SLC39A12: variants seen among roughly 807,000 people sequenced by gnomAD.
SLC39A12 encodes the protein zinc transporter ZIP12.
Under a neutral mutation model 71.1 loss-of-function variants are expected in SLC39A12, and 63 were observed. The observed-to-expected ratio is 0.89, with a 90% CI of 0.72 to 1.09. The LOEUF is 1.09. Among genes scored for constraint, SLC39A12 ranks in the 50% least tolerant of loss-of-function variants. SLC39A12 has a pLI of 0.00. For missense variants in SLC39A12, 892 were observed against 812.6 expected, an observed-to-expected ratio of 1.10 and a Z score of -1.19; for synonymous variants, 351 against 301.3, an observed-to-expected ratio of 1.16 and a Z score of -1.71.
intron 2 of SLC39A12, among the ~76,000 whole-genome samples, chr10:17,959,706 C>G (rs901829216): frequency 3.3e-5 from 5 of 152,104 alleles, no homozygotes; most frequent in Non-Finnish European, 7.4e-5. Flanking sequence ...AGGCAGCTTC[C>G]CTCTTGCTGA....
intron 3 of SLC39A12, 35 bp from the exon 4 acceptor site, chr10:17,965,448 T>C (rs2130784750): frequency 1.3e-6 from 2 of 1,588,734 alleles, no homozygotes; most frequent in East Asian, 4.5e-5. Context: ...ACTTCAGATG[T>C]TACAATTTTC....
chr10:18,014,854 A>G (rs935682006), intron 12 of SLC39A12, among the ~76,000 whole-genome samples: 1 of 152,194 alleles, frequency 6.6e-6, no homozygotes, highest in African/African-American at 2.4e-5. Context: ...TGATGCATCT[A>G]CAGTTTGAGT....
intron 2 of SLC39A12, among the ~76,000 whole-genome samples, chr10:17,955,198 G>A (rs1325872448): frequency 6.6e-6 from 1 of 152,154 alleles, no homozygotes; most frequent in Non-Finnish European, 1.5e-5. Context: ...CATTTTCAGG[G>A]CTGGGGGAAG....
intron 12 of SLC39A12, among the ~76,000 whole-genome samples, chr10:18,024,523 C>T (rs1836621472): frequency 1.3e-5 from 2 of 152,114 alleles, no homozygotes; most frequent in African/African-American, 4.8e-5. Context: ...CACTCTTCTC[C>T]ACTCTCCATG....
At chr10:18,031,994 T>C in intron 12 of SLC39A12, among the ~76,000 whole-genome samples, 1 of 44,554 alleles carries the variant, frequency 2.2e-5, no homozygotes. Flanking sequence ...CTCTGTTCTG[T>C]TCCATTGATC....
intron 4 of SLC39A12, among the ~76,000 whole-genome samples, chr10:17,975,562 C>G (rs1835088143): frequency 6.6e-6 from 1 of 151,936 alleles, no homozygotes; most frequent in African/African-American, 2.4e-5. Flanking sequence ...AGAGTCCTCC[C>G]CACTCTTTCC....
intron 4 of SLC39A12, among the ~76,000 whole-genome samples, chr10:17,975,698 C>T (rs1179644153): frequency 6.6e-6 from 1 of 152,156 alleles, no homozygotes; most frequent in South Asian, 2.1e-4. Context: ...GCCCCACTGT[C>T]GAAGTCCAGT....
rs141182250 is a variant in SLC39A12, at chr10:17,993,174, C to T, written c.1423-7C>T. On this transcript the variant is annotated splice_region_variant and splice_polypyrimidine_tract_variant and intron_variant, in intron 8 of 12. Coordinates refer to ENST00000377369, the MANE Select transcript of SLC39A12 (RefSeq NM_001145195.2). ...TTCAACACTAATTTTAAACCATCCT[C>T]ATCCAGCAGGGCCTGTCATTGGTTA... 4.7e-5 allele frequency: 72 copies of T among 1,545,652 alleles called. No individual in the cohort carries two copies. The highest frequency in any genetic ancestry group is 5.8e-5 in the Non-Finnish European group (66 of 1,141,938).
At chr10:17,960,704 G>A (rs1313277616) in intron 2 of SLC39A12, among the ~76,000 whole-genome samples, 1 of 152,300 alleles carries the variant, frequency 6.6e-6, no homozygotes, top group South Asian at 2.1e-4. Context: ...TTCCAGAATT[G>A]TGCTGTCCAG....
At chr10:17,953,665 C>G (rs1001196489) in intron 2 of SLC39A12, 128 bp downstream of exon 2, 1 of 1,117,794 alleles carries the variant, frequency 8.9e-7, no homozygotes, top group Non-Finnish European at 1.3e-6. Context: ...GCAATGCATT[C>G]TGGTAAAATA....
At chr10:17,953,966 GTATTTTCT>G (rs1834474765) in intron 2 of SLC39A12, among the ~76,000 whole-genome samples, 1 of 152,122 alleles carries the variant, frequency 6.6e-6, no homozygotes, top group African/African-American at 2.4e-5. Flanking sequence ...TCCTGGCATG[GTATTTTCT>G]AATATTATGC....
intron 12 of SLC39A12, among the ~76,000 whole-genome samples, chr10:18,030,423 T>A (rs1459175112): frequency 4.0e-5 from 6 of 151,716 alleles, no homozygotes; most frequent in African/African-American, 1.5e-4. Context: ...ATTTTTTTAG[T>A]AGAGACGGGG....
At chr10:17,954,627 G>A (rs567559722) in intron 2 of SLC39A12, among the ~76,000 whole-genome samples, 4 of 152,214 alleles carry the variant, frequency 2.6e-5, no homozygotes, top group African/African-American at 9.6e-5. Context: ...AGGATGGAAG[G>A]AGGTGAGAAC....
chr10:17,964,058 C>T (rs1159386928), intron 3 of SLC39A12, among the ~76,000 whole-genome samples: 2 of 152,172 alleles, frequency 1.3e-5, no homozygotes, highest in African/African-American at 4.8e-5. Flanking sequence ...CTAGTGTTCC[C>T]GTAGCCCTGC....
chr10:17,994,439 T>TC (rs397820730), intron 9 of SLC39A12, among the ~76,000 whole-genome samples: 4 of 151,884 alleles, frequency 2.6e-5, no homozygotes, highest in South Asian at 2.1e-4. Flanking sequence ...TACATTTTTT[T>TC]CCCAATCAAT....
chr10:18,016,619 A>G (rs1282074264), intron 12 of SLC39A12, among the ~76,000 whole-genome samples: 1 of 152,208 alleles, frequency 6.6e-6, no homozygotes, highest in African/African-American at 2.4e-5. Context: ...GAAGCTACCA[A>G]ACTGTCTTCC....
intron 11 of SLC39A12, 198 bp from the exon 12 acceptor site, chr10:18,002,973 A>G (rs1835878277): frequency 5.7e-6 from 3 of 521,758 alleles, no homozygotes; most frequent in South Asian, 6.0e-5. Context: ...AACTCTTGAA[A>G]TGCAACTTCC....
At chr10:17,989,501 TC>T (rs1835486406) in intron 7 of SLC39A12, among the ~76,000 whole-genome samples, 1 of 152,096 alleles carries the variant, frequency 6.6e-6, no homozygotes. Flanking sequence ...AGCCTGAGTC[TC>T]CCCCAGTGAG....
chr10:17,985,822 A>G (rs1177047879), intron 6 of SLC39A12, among the ~76,000 whole-genome samples: 1 of 151,994 alleles, frequency 6.6e-6, no homozygotes, highest in Non-Finnish European at 1.5e-5. Flanking sequence ...TAAACTTACA[A>G]ATTATACTTT....
Sources: allele counts gnomAD v4.1 joint callset (sites outside exome capture counted in the v4.1 genomes callset), GRCh38; gene constraint gnomAD v4.1.1; transcripts MANE v1.5; gene names NCBI Gene and HGNC (gene_info 2026-07-23, HGNC 2026-07-21).